Variants in EYS observed in about 807,000 individuals in gnomAD.
EYS encodes the protein EGF-like photoreceptor maintenance factor.
A neutral mutation model predicts 282.1 loss-of-function variants in EYS; 250 were observed. The observed-to-expected ratio is 0.89, with a 90% CI of 0.80 to 0.98. The LOEUF (loss-of-function observed/expected upper bound fraction) is 0.98, where lower values mean the gene tolerates loss of function less well. Ranked by LOEUF, EYS falls within the 50% of genes least tolerant of loss-of-function variation. The probability of loss-of-function intolerance (pLI) is 0.00; values close to 1 mark genes in which losing one functional copy is unlikely to be tolerated. For missense variants in EYS, 4,016 were observed against 3,709.0 expected, an observed-to-expected ratio of 1.08 and a Z score of -2.15; for synonymous variants, 1,355 against 1,282.9, an observed-to-expected ratio of 1.06 and a Z score of -1.20.
intron 2 of EYS, among the ~76,000 whole-genome samples, chr6:65,590,159 G>C (rs1765182655): frequency 6.6e-6 from 1 of 151,962 alleles, no homozygotes. Flanking sequence ...GATGTAGCAA[G>C]ATGAGTGTCA....
At chr6:63,884,481 G>A (rs1049329217) in intron 35 of EYS, among the ~76,000 whole-genome samples, 2 of 152,054 alleles carry the variant, frequency 1.3e-5, no homozygotes, top group Admixed American at 1.3e-4. Flanking sequence ...TACCTAGCTT[G>A]ATTTGGGTTG....
intron 28 of EYS, among the ~76,000 whole-genome samples, chr6:64,424,144 T>C (rs1472093770): frequency 6.6e-6 from 1 of 152,032 alleles, no homozygotes; most frequent in Non-Finnish European, 1.5e-5. Context: ...AAAAGTTGAG[T>C]TAATGATTTT....
At chr6:64,484,737 T>C (rs1005358539) in intron 26 of EYS, among the ~76,000 whole-genome samples, 1 of 151,576 alleles carries the variant, frequency 6.6e-6, no homozygotes, top group Non-Finnish European at 1.5e-5. Flanking sequence ...CAAATTCCAG[T>C]GGGTACTTAG....
chr6:65,627,565 T>C (rs865972413), intron 2 of EYS, among the ~76,000 whole-genome samples: 13 of 152,250 alleles, frequency 8.5e-5, no homozygotes, highest in Admixed American at 4.6e-4. Context: ...CCTGCCGCGC[T>C]TGCGGGCCAG....
At chr6:64,201,777 A>T (rs1290229566) in intron 31 of EYS, among the ~76,000 whole-genome samples, 1 of 152,226 alleles carries the variant, frequency 6.6e-6, no homozygotes, top group Non-Finnish European at 1.5e-5. Context: ...ACTTTAAAGT[A>T]ACAGAATGTA....
chr6:63,961,369 T>A (rs1766051469), intron 35 of EYS, among the ~76,000 whole-genome samples: 1 of 151,586 alleles, frequency 6.6e-6, no homozygotes, highest in East Asian at 1.9e-4. Flanking sequence ...ACTGAGCGAT[T>A]AACCTTGTGA....
intron 22 of EYS, among the ~76,000 whole-genome samples, chr6:64,718,116 T>G (rs1771457655): frequency 6.6e-6 from 1 of 152,150 alleles, no homozygotes; most frequent in Non-Finnish European, 1.5e-5. Flanking sequence ...TATATTAGGG[T>G]ACAATTTAAG....
intron 26 of EYS, among the ~76,000 whole-genome samples, chr6:64,457,166 T>C (rs1050554889): frequency 4.6e-5 from 7 of 152,040 alleles, no homozygotes; most frequent in Non-Finnish European, 8.8e-5. Flanking sequence ...TATGTATTTG[T>C]TAATTTTCCA....
At chr6:64,016,049 A>AG (rs1466793805) in intron 33 of EYS, among the ~76,000 whole-genome samples, 1 of 152,194 alleles carries the variant, frequency 6.6e-6, no homozygotes, top group East Asian at 1.9e-4. Flanking sequence ...CCTTTTCTTT[A>AG]GCAAATTCCA....
intron 12 of EYS, among the ~76,000 whole-genome samples, chr6:65,255,448 C>T (rs1444466950): frequency 6.6e-6 from 1 of 151,912 alleles, no homozygotes; most frequent in African/African-American, 2.4e-5. Flanking sequence ...AGGACATTGT[C>T]TGGGCAAAGA....
intron 8 of EYS, among the ~76,000 whole-genome samples, chr6:65,367,858 C>T (rs1226688766): frequency 6.6e-6 from 1 of 151,686 alleles, no homozygotes; most frequent in Admixed American, 6.7e-5. Context: ...AGTCAATTTA[C>T]ATATCATGCA....
chr6:63,949,631 T>C (rs1055601607), intron 35 of EYS, among the ~76,000 whole-genome samples: 1 of 152,206 alleles, frequency 6.6e-6, no homozygotes, highest in African/African-American at 2.4e-5. Context: ...CTGATATGCC[T>C]CTCATCCACT....
chr6:64,929,223 T>C (rs559568200), intron 15 of EYS, among the ~76,000 whole-genome samples: 2 of 152,126 alleles, frequency 1.3e-5, no homozygotes, highest in African/African-American at 4.8e-5. Flanking sequence ...AATTGAAGGC[T>C]GAGATGAGGG....
intron 14 of EYS, among the ~76,000 whole-genome samples, chr6:64,972,163 C>T (rs545187454): frequency 3.4e-4 from 52 of 152,166 alleles, no homozygotes; most frequent in African/African-American, 1.2e-3. Flanking sequence ...AGAAAGAAGA[C>T]GTGGAAGAAG....
intron 35 of EYS, among the ~76,000 whole-genome samples, chr6:63,920,690 C>CA (rs1320122721): frequency 6.6e-6 from 1 of 151,978 alleles, no homozygotes; most frequent in Non-Finnish European, 1.5e-5. Context: ...GAGTACTTTC[C>CA]AAAAAAACAA....
intron 2 of EYS, among the ~76,000 whole-genome samples, chr6:65,581,206 C>T (rs1290853072): frequency 6.6e-6 from 1 of 151,898 alleles, no homozygotes; most frequent in African/African-American, 2.4e-5. Flanking sequence ...TCTTCACCCA[C>T]CCCATCCTTT....
intron 40 of EYS, among the ~76,000 whole-genome samples, chr6:63,766,001 T>G (rs1017702296): frequency 6.6e-6 from 1 of 152,040 alleles, no homozygotes; most frequent in Non-Finnish European, 1.5e-5. Flanking sequence ...TATTGATCTG[T>G]TATGTGTAGG....
intron 26 of EYS, among the ~76,000 whole-genome samples, chr6:64,444,993 C>T (rs1417404978): frequency 6.6e-6 from 1 of 152,198 alleles, no homozygotes; most frequent in South Asian, 2.1e-4. Flanking sequence ...AACCATGAAC[C>T]AATTAAACCT....
chr6:65,630,685 A>G (rs1766880721), intron 2 of EYS, among the ~76,000 whole-genome samples: 1 of 152,200 alleles, frequency 6.6e-6, no homozygotes, highest in Non-Finnish European at 1.5e-5. Context: ...GAAGCACATC[A>G]CAGTGTCATT....
Sources: allele counts gnomAD v4.1 joint callset (sites outside exome capture counted in the v4.1 genomes callset), GRCh38; gene constraint gnomAD v4.1.1; transcripts MANE v1.5; gene names NCBI Gene and HGNC (gene_info 2026-07-23, HGNC 2026-07-21).